The following CDH4 variants were observed in gnomAD, a reference collection of about 807,000 sequenced individuals.
The protein encoded by CDH4 is cadherin 4, also known as cadherin-4.
In CDH4, 33 loss-of-function variants were observed where a neutral mutation model predicts 86.0. The ratio of observed to expected loss-of-function variants is 0.38; its 90% CI spans 0.29 to 0.51. The LOEUF is 0.51. Among genes scored for constraint, CDH4 ranks in the 20% least tolerant of loss-of-function variants. The probability of loss-of-function intolerance (pLI) is 0.86; values close to 1 mark genes in which losing one functional copy is unlikely to be tolerated. For synonymous variants in CDH4, 555 were observed against 549.4 expected (o/e 1.01, Z -0.14); for missense variants, 1,114 against 1,307.4 (o/e 0.85, Z 2.28).
At chr20:61,334,280 T>A (rs1437542475) in intron 2 of CDH4, among the ~76,000 whole-genome samples, 1 of 152,186 alleles carries the variant, frequency 6.6e-6, no homozygotes, top group Non-Finnish European at 1.5e-5. Flanking sequence ...TTGTGGTGTC[T>A]CACATAATCA....
At chr20:61,333,625 A>G (rs2084598467) in intron 2 of CDH4, among the ~76,000 whole-genome samples, 1 of 152,202 alleles carries the variant, frequency 6.6e-6, no homozygotes, top group Non-Finnish European at 1.5e-5. Context: ...CTGCAAGGAC[A>G]GTCAGAGCCC....
intron 2 of CDH4, among the ~76,000 whole-genome samples, chr20:61,713,563 A>AG (rs1426678620): frequency 6.6e-6 from 1 of 152,214 alleles, no homozygotes; most frequent in Non-Finnish European, 1.5e-5. Flanking sequence ...CTTATGTAGC[A>AG]GCACAGTTAA....
intron 4 of CDH4, among the ~76,000 whole-genome samples, chr20:61,794,671 C>G (rs190512803): frequency 2.0e-5 from 3 of 152,204 alleles, no homozygotes; most frequent in African/African-American, 7.2e-5. Flanking sequence ...TGGACACAGG[C>G]TCCATGACTC....
At chr20:61,539,433 G>A (rs763426888) in intron 2 of CDH4, among the ~76,000 whole-genome samples, 2 of 152,184 alleles carry the variant, frequency 1.3e-5, no homozygotes, top group Non-Finnish European at 2.9e-5. Context: ...TCCTTGGCTT[G>A]TAGATGCCAT....
chr20:61,434,001 C>T (rs556751369), intron 2 of CDH4, among the ~76,000 whole-genome samples: 3 of 152,338 alleles, frequency 2.0e-5, no homozygotes, highest in East Asian at 1.9e-4. Context: ...CCACCACCAT[C>T]GTCCCATGGC....
chr20:61,558,839 G>C (rs956538003), intron 2 of CDH4, among the ~76,000 whole-genome samples: 2 of 152,240 alleles, frequency 1.3e-5, no homozygotes, highest in African/African-American at 4.8e-5. Flanking sequence ...CTCACCTCCG[G>C]AGTGGCCAGC....
chr20:61,657,877 C>A (rs1010679994), intron 2 of CDH4, among the ~76,000 whole-genome samples: 1 of 152,138 alleles, frequency 6.6e-6, no homozygotes, highest in Non-Finnish European at 1.5e-5. Context: ...ATTTGTGCTA[C>A]GTCACGGTGC....
intron 7 of CDH4, among the ~76,000 whole-genome samples, chr20:61,893,061 A>G (rs1568870907): frequency 7.2e-6 from 1 of 139,682 alleles, no homozygotes; most frequent in Non-Finnish European, 1.5e-5. Flanking sequence ...GAATAGAGAG[A>G]TAGATGGATG....
At chr20:61,297,724 C>G (rs2427047) in intron 2 of CDH4, among the ~76,000 whole-genome samples, 140,417 of 152,312 alleles carry the variant, frequency 0.92, 65,387 homozygotes, top group Non-Finnish European at 0.99. Context: ...GCGCACTTTC[C>G]TGCCCTCTCG....
chr20:61,500,460 C>T (rs1399626930), intron 2 of CDH4, among the ~76,000 whole-genome samples: 1 of 152,218 alleles, frequency 6.6e-6, no homozygotes, highest in Non-Finnish European at 1.5e-5. Flanking sequence ...TGTCTTTCCA[C>T]CTGGGTGGCT....
intron 3 of CDH4, among the ~76,000 whole-genome samples, chr20:61,764,191 C>T (rs770378984): frequency 1.3e-5 from 2 of 152,220 alleles, no homozygotes; most frequent in Non-Finnish European, 2.9e-5. Context: ...GGGCAGAATC[C>T]GGCCCTGGGG....
At chr20:61,568,932 T>C (rs2086321446) in intron 2 of CDH4, among the ~76,000 whole-genome samples, 1 of 151,874 alleles carries the variant, frequency 6.6e-6, no homozygotes, top group Admixed American at 6.6e-5. Flanking sequence ...AAGGTGCATC[T>C]TCAGTGCCTG....
At chr20:61,862,225 C>T (rs1235758382) in intron 6 of CDH4, among the ~76,000 whole-genome samples, 1 of 152,192 alleles carries the variant, frequency 6.6e-6, no homozygotes, top group Non-Finnish European at 1.5e-5. Flanking sequence ...CTGTTGGTCT[C>T]CACCACCGGG....
At chr20:61,291,913 G>C (rs1035972073) in intron 2 of CDH4, among the ~76,000 whole-genome samples, 1 of 151,828 alleles carries the variant, frequency 6.6e-6, no homozygotes. Context: ...CCCTGCTCAA[G>C]TAGCCCCCCG....
intron 2 of CDH4, among the ~76,000 whole-genome samples, chr20:61,555,403 C>A (rs2086170032): frequency 6.6e-6 from 1 of 152,178 alleles, no homozygotes; most frequent in Non-Finnish European, 1.5e-5. Context: ...TGGGACCCAC[C>A]AGGGTAACCT....
At chr20:61,571,489 C>T (rs532192847) in intron 2 of CDH4, among the ~76,000 whole-genome samples, 5 of 152,156 alleles carry the variant, frequency 3.3e-5, no homozygotes, top group Non-Finnish European at 5.9e-5. Flanking sequence ...GATCAGAGCA[C>T]GGCAGGTGCC....
At chr20:61,785,875 G>A (rs1010456489) in intron 4 of CDH4, among the ~76,000 whole-genome samples, 2 of 152,232 alleles carry the variant, frequency 1.3e-5, no homozygotes, top group African/African-American at 4.8e-5. Flanking sequence ...GAGCCAGGGA[G>A]CGTGCGAGCG....
At chr20:61,912,266 A>G (rs2054859157) in intron 9 of CDH4, among the ~76,000 whole-genome samples, 1 of 152,236 alleles carries the variant, frequency 6.6e-6, no homozygotes, top group Admixed American at 6.5e-5. Flanking sequence ...ATAATTATGG[A>G]AACATATCCC....
intron 2 of CDH4, among the ~76,000 whole-genome samples, chr20:61,281,449 C>T (rs912871618): frequency 1.1e-4 from 16 of 152,214 alleles, no homozygotes; most frequent in Non-Finnish European, 1.8e-4. Flanking sequence ...CGGAACCTGC[C>T]GGCGCCTTGA....
Sources: gnomAD v4.1 joint callset for allele counts (sites outside exome capture counted in the v4.1 genomes callset) on GRCh38, gnomAD v4.1.1 for gene constraint, MANE v1.5 for transcripts, NCBI Gene and HGNC (gene_info 2026-07-23, HGNC 2026-07-21) for gene names.